The following SRGAP1 variants were observed in gnomAD, a reference collection of about 807,000 sequenced individuals.
The protein encoded by SRGAP1 is SLIT-ROBO Rho GTPase activating protein 1.
SRGAP1 carries 43 observed loss-of-function variants against 121.9 expected under a neutral mutation model. The observed-to-expected ratio is 0.35, with a 90% confidence interval of 0.28 to 0.46. The LOEUF is 0.46. Ranked by LOEUF, SRGAP1 falls within the 20% of genes least tolerant of loss-of-function variation. The probability of loss-of-function intolerance (pLI) is 1.00; values close to 1 mark genes in which losing one functional copy is unlikely to be tolerated. For missense variants in SRGAP1, 1,102 were observed against 1,350.9 expected, an observed-to-expected ratio of 0.82 and a Z score of 2.89; for synonymous variants, 447 against 485.4, an observed-to-expected ratio of 0.92 and a Z score of 1.04.
chr12:63,858,934 C>G (rs897829801), intron 1 of SRGAP1, among the ~76,000 whole-genome samples: 43 of 152,164 alleles, frequency 2.8e-4, no homozygotes, highest in African/African-American at 1.0e-3. Flanking sequence ...AACTCCTGAC[C>G]TCAGGTGATC....
chr12:64,148,314 C>G lies in SRGAP1; in HGVS notation c.*5642C>G, dbSNP rs1159833543. On this transcript the variant is annotated 3_prime_UTR_variant, in exon 22 of 22. Coordinates refer to ENST00000355086, the MANE Select transcript of SRGAP1 (RefSeq NM_020762.4). The stretch of plus-strand genomic sequence containing the variant: ...TTTTTTTTTTTTGAGACGAATCTCT[C>G]TGTGTCACCCAGGCTGTAGTGCAGT... 2 of 137,522 alleles carry G rather than the reference C, an allele frequency of 1.5e-5. No individual in the cohort carries two copies. The highest frequency in any genetic ancestry group is 2.7e-5 in the African/African-American group (1 of 37,044). 8.5% of individuals were successfully genotyped at this position (137,522 alleles called of 1,614,324 possible). A position where few individuals can be genotyped will look rare whatever the true frequency, so the allele number is the denominator to read the frequency against.
chr12:64,089,634 G>T (rs2036011531), intron 11 of SRGAP1, among the ~76,000 whole-genome samples: 1 of 152,180 alleles, frequency 6.6e-6, no homozygotes, highest in African/African-American at 2.4e-5. Context: ...TCCATGAATG[G>T]CCAGAACTCA....
chr12:64,013,397 C>T (rs550636960), intron 3 of SRGAP1, among the ~76,000 whole-genome samples: 126 of 152,296 alleles, frequency 8.3e-4, no homozygotes, highest in Admixed American at 1.4e-3. Context: ...AAATTAGTCG[C>T]ATAAACCAGT....
intron 1 of SRGAP1, among the ~76,000 whole-genome samples, chr12:63,902,636 G>A (rs1280484231): frequency 2.0e-5 from 3 of 152,192 alleles, no homozygotes; most frequent in Admixed American, 2.0e-4. Flanking sequence ...AAGTGGAACA[G>A]TTGCTTATTT....
At chr12:63,904,574 G>A (rs1365309614) in intron 1 of SRGAP1, among the ~76,000 whole-genome samples, 1 of 152,200 alleles carries the variant, frequency 6.6e-6, no homozygotes, top group Non-Finnish European at 1.5e-5. Context: ...TACTTACACA[G>A]TTTTAAAGAT....
rs890808876 is a variant in SRGAP1, at chr12:63,953,578, G to GTT, written c.68-30359_68-30358dup. Among the ~76,000 whole-genome samples the GTT allele has an allele frequency of 1.2e-4, 18 of 144,370 alleles. No homozygotes were observed. The East Asian group carries it at 3.4e-3, about 28-fold the overall frequency. 94.7% of individuals were successfully genotyped at this position (144,370 alleles called of 152,430 possible). A position where few individuals can be genotyped will look rare whatever the true frequency, so the allele number is the denominator to read the frequency against. On this transcript the variant is annotated intron_variant, in intron 1 of 21. Coordinates refer to ENST00000355086, the MANE Select transcript of SRGAP1 (RefSeq NM_020762.4). The stretch of plus-strand genomic sequence containing the variant: ...CCACCACACTTGGCTAATTTTTAAA[G>GTT]TTTTTTTTTTTACAGACAAGATTTC...
At position 64,143,632 on chromosome 12, in the gene SRGAP1, A is replaced by T. The variant is rs544028751; in HGVS notation, c.*960A>T. 30 of 152,238 alleles carry T rather than the reference A, an allele frequency of 2.0e-4. No homozygotes were observed. Among genetic ancestry groups the T allele is most frequent in the African/African-American group, 6.7e-4 (28 of 41,504 alleles). The allele number at this position is 152,238 out of a possible 1,614,324, so 9.4% of individuals were successfully genotyped here. ...TGCAGTGTTCTCTTTTGACTAAATC[A>T]CCTAGGTTCCTTTAAACATGCTACA... On this transcript the variant is annotated 3_prime_UTR_variant, in exon 22 of 22. Transcript: ENST00000355086.
intron 1 of SRGAP1, among the ~76,000 whole-genome samples, chr12:63,908,633 A>G (rs887608379): frequency 1.3e-5 from 2 of 152,052 alleles, no homozygotes; most frequent in Non-Finnish European, 2.9e-5. Flanking sequence ...CAAGTGATCC[A>G]CCTGCCTTGG....
chr12:63,986,884 G>A (rs1593007728), intron 2 of SRGAP1, among the ~76,000 whole-genome samples: 1 of 152,274 alleles, frequency 6.6e-6, no homozygotes, highest in Middle Eastern at 3.4e-3. Flanking sequence ...TAAAAGGTAA[G>A]CAGTTTGAAA....
chr12:63,981,940 G>A (rs927453032), intron 1 of SRGAP1, among the ~76,000 whole-genome samples: 2 of 151,586 alleles, frequency 1.3e-5, no homozygotes, highest in African/African-American at 4.8e-5. Context: ...TTGGCCGGGC[G>A]CGGTGGCTCA....
intron 1 of SRGAP1, among the ~76,000 whole-genome samples, chr12:63,914,199 A>G (rs1451217527): frequency 6.6e-6 from 1 of 152,204 alleles, no homozygotes; most frequent in Non-Finnish European, 1.5e-5. Context: ...TCATACTGTA[A>G]TTAACGGTTT....
At chr12:63,955,832 C>A (rs2032446936) in intron 1 of SRGAP1, among the ~76,000 whole-genome samples, 1 of 151,988 alleles carries the variant, frequency 6.6e-6, no homozygotes, top group Admixed American at 6.6e-5. Flanking sequence ...ATAATTTGAG[C>A]AAATTCTTTT....
intron 1 of SRGAP1, among the ~76,000 whole-genome samples, chr12:63,886,025 A>G (rs192254733): frequency 6.6e-6 from 1 of 152,206 alleles, no homozygotes; most frequent in Non-Finnish European, 1.5e-5. Context: ...TAAAGTTTGG[A>G]TCTTACATTT....
At chr12:64,077,459 T>A (rs937408013) in intron 8 of SRGAP1, among the ~76,000 whole-genome samples, 2 of 149,224 alleles carry the variant, frequency 1.3e-5, no homozygotes, top group African/African-American at 4.9e-5. Flanking sequence ...ATGTCTTAAA[T>A]TTATATATTA....
At chr12:63,990,709 C>T (rs566063609) in intron 3 of SRGAP1, among the ~76,000 whole-genome samples, 16 of 152,262 alleles carry the variant, frequency 1.1e-4, no homozygotes, top group East Asian at 3.9e-4. Flanking sequence ...TGCCCAGGAA[C>T]GGACTACCTG....
At chr12:64,029,923 G>A (rs368890655) in intron 4 of SRGAP1, among the ~76,000 whole-genome samples, 1 of 150,742 alleles carries the variant, frequency 6.6e-6, no homozygotes, top group South Asian at 2.1e-4. Context: ...ATAAATAAAT[G>A]AATAAATAAA....
In SRGAP1 at chr12:64,061,611, G is replaced by A. The variant is rs533592970; in HGVS notation, c.802-1306G>A. 2.0e-5 allele frequency among the ~76,000 whole-genome samples: 3 copies of A among 152,232 alleles called. No homozygotes were observed. The South Asian group carries it at 6.2e-4, about 32-fold the overall frequency. On this transcript the variant is annotated intron_variant, in intron 6 of 21. Coordinates refer to ENST00000355086, the MANE Select transcript of SRGAP1 (RefSeq NM_020762.4). ...ACAGCTGTCTTTCAGTATACTGAGA[G>A]TTGTATATCCATCACCACAATCAAT... is the stretch of plus-strand genomic sequence containing the variant.
chr12:63,981,193 T>C (rs529687846), intron 1 of SRGAP1, among the ~76,000 whole-genome samples: 12 of 152,346 alleles, frequency 7.9e-5, no homozygotes, highest in African/African-American at 2.6e-4. Flanking sequence ...TCCATCATTC[T>C]CATGATTCCC....
At chr12:64,048,785 G>A (rs2035182957) in intron 6 of SRGAP1, among the ~76,000 whole-genome samples, 1 of 152,038 alleles carries the variant, frequency 6.6e-6, no homozygotes, top group Non-Finnish European at 1.5e-5. Flanking sequence ...ATACCTGTTT[G>A]CCATTTGTAT....
Sources: allele counts gnomAD v4.1 joint callset (sites outside exome capture counted in the v4.1 genomes callset), GRCh38; gene constraint gnomAD v4.1.1; transcripts MANE v1.5; gene names NCBI Gene and HGNC (gene_info 2026-07-23, HGNC 2026-07-21).